Variants in GNA12 observed in about 807,000 individuals in gnomAD.
The protein encoded by GNA12 is G protein subunit alpha 12.
In GNA12, 9 loss-of-function variants were observed where a neutral mutation model predicts 26.0. The ratio of observed to expected loss-of-function variants is 0.35; its 90% CI spans 0.21 to 0.60. The LOEUF is 0.60. Among genes scored for constraint, GNA12 ranks in the 20% least tolerant of loss-of-function variants. The pLI, the probability that GNA12 is intolerant of heterozygous loss-of-function variation, is 0.78. For synonymous variants in GNA12, 264 were observed against 219.6 expected, an observed-to-expected ratio of 1.20 and a Z score of -1.79; for missense variants, 405 against 525.8, an observed-to-expected ratio of 0.77 and a Z score of 2.25.
chr7:2,770,738 A>G (rs1458797436), intron 2 of GNA12, among the ~76,000 whole-genome samples: 1 of 152,236 alleles, frequency 6.6e-6, no homozygotes, highest in Non-Finnish European at 1.5e-5. Flanking sequence ...ACTGGGCAGC[A>G]GAGCTAATGG....
intron 2 of GNA12, among the ~76,000 whole-genome samples, chr7:2,756,527 A>T (rs2115380813): frequency 6.6e-6 from 1 of 151,732 alleles, no homozygotes; most frequent in South Asian, 2.1e-4. Context: ...AGGCAGGAAG[A>T]TCTCTTGAGC....
intron 1 of GNA12, among the ~76,000 whole-genome samples, chr7:2,812,934 T>C (rs554713368): frequency 6.6e-6 from 1 of 152,212 alleles, no homozygotes; most frequent in Non-Finnish European, 1.5e-5. Context: ...CCTTTACTTT[T>C]CAAACTTTAA....
intron 1 of GNA12, among the ~76,000 whole-genome samples, chr7:2,825,236 A>G (rs911148041): frequency 6.6e-6 from 1 of 152,008 alleles, no homozygotes; most frequent in Admixed American, 6.5e-5. Context: ...GTGGGAGGGG[A>G]GAAGAAATAC....
At chr7:2,769,929 G>C (rs920223838) in intron 2 of GNA12, among the ~76,000 whole-genome samples, 2 of 152,074 alleles carry the variant, frequency 1.3e-5, no homozygotes, top group Non-Finnish European at 2.9e-5. Context: ...TACATTTTAA[G>C]TCTAAGTGTT....
At chr7:2,843,195 G>A (rs2533875) in intron 1 of GNA12, among the ~76,000 whole-genome samples, 61,792 of 151,946 alleles carry the variant, frequency 0.41, 12,652 homozygotes, top group Admixed American at 0.46. Flanking sequence ...GGGCACGGCC[G>A]GTTGGGCTCC....
chr7:2,810,791 G>A (rs1793061781), intron 1 of GNA12, among the ~76,000 whole-genome samples: 1 of 152,128 alleles, frequency 6.6e-6, no homozygotes, highest in African/African-American at 2.4e-5. Context: ...CCAGCTACGT[G>A]GGAGGTTGAG....
rs185490511 is a variant in GNA12, at chr7:2,832,271, A to C, written c.309+11582T>G. On this transcript the variant is annotated intron_variant, in intron 1 of 3. Coordinates refer to ENST00000275364, the MANE Select transcript of GNA12 (RefSeq NM_007353.3). Reference sequence around the variant, plus strand: ...CCCGTTGTGTTTCCTGTCCCCAGAGAAGTGAACTAGGAATCAGCTCCACGA... The same window carrying C: ...CCCGTTGTGTTTCCTGTCCCCAGAGCAGTGAACTAGGAATCAGCTCCACGA... 4.7e-3 allele frequency among the ~76,000 whole-genome samples: 714 copies of C among 152,216 alleles called. 10 individuals carry two copies. Among genetic ancestry groups the C allele is most frequent in the East Asian group, 3.9e-3 (20 of 5,180 alleles).
chr7:2,769,157 G>A (rs1253461541), intron 2 of GNA12, among the ~76,000 whole-genome samples: 1 of 152,094 alleles, frequency 6.6e-6, no homozygotes, highest in East Asian at 1.9e-4. Context: ...AACCGTCTTG[G>A]CCTCCCAAAG....
Position 2,794,938 on chromosome 7 carries a change from T to G in GNA12, c.515A>C (p.Glu172Ala). 1 of 1,613,448 alleles carries G rather than the reference T, an allele frequency of 6.2e-7. No individual in the cohort carries two copies. The highest frequency in any genetic ancestry group is 8.5e-7 in the Non-Finnish European group (1 of 1,179,396). ...GIREAFSRRS[E>A]FQLGESVKYF... ...GGCCTACTCACTCACCAGCTGAAAC[T>G]CGCTTCTCCGGCTGAAAGCCTCCCT... is the stretch of plus-strand genomic sequence containing the variant. The change falls in exon 2 of 4, where the codon GAG becomes GCG. Residue 172 changes from glutamate (E) to alanine (A), a missense_variant. Physicochemically the swap from Glu to Ala is moderately radical, Grantham distance 107. Coordinates refer to ENST00000275364, the MANE Select transcript of GNA12 (RefSeq NM_007353.3).
intron 2 of GNA12, among the ~76,000 whole-genome samples, chr7:2,770,168 A>G (rs1308244769): frequency 1.3e-5 from 2 of 152,216 alleles, no homozygotes; most frequent in Non-Finnish European, 2.9e-5. Context: ...GTATGACTTT[A>G]CTGAGGTTCA....
chr7:2,819,722 G>A (rs1793303762), intron 1 of GNA12, among the ~76,000 whole-genome samples: 1 of 152,206 alleles, frequency 6.6e-6, no homozygotes, highest in Non-Finnish European at 1.5e-5. Context: ...AAACGGGATG[G>A]CTGGAATTCA....
At chr7:2,779,011 G>A (rs528453725) in intron 2 of GNA12, among the ~76,000 whole-genome samples, 2 of 152,248 alleles carry the variant, frequency 1.3e-5, no homozygotes, top group East Asian at 3.9e-4. Context: ...CTTTATGGGA[G>A]GCCGAGGCAA....
Position 2,802,196 on chromosome 7 carries a change from T to C in GNA12, c.310-7053A>G, listed in dbSNP as rs1047582792. On this transcript the variant is annotated intron_variant, in intron 1 of 3. Transcript: ENST00000275364. Reference sequence around the variant, plus strand: ...ATGGTATTACTGAAGTATTAATTGTTTGAATAACCATACATTTTATTTGGT... The same window carrying C: ...ATGGTATTACTGAAGTATTAATTGTCTGAATAACCATACATTTTATTTGGT... Among the ~76,000 whole-genome samples, 10 of 152,124 alleles carry C rather than the reference T, an allele frequency of 6.6e-5. No homozygotes were observed. The East Asian group carries it at 1.9e-3, about 29-fold the overall frequency.
intron 2 of GNA12, among the ~76,000 whole-genome samples, chr7:2,791,644 C>CA (rs769067142): frequency 1.9e-4 from 28 of 150,428 alleles, no homozygotes; most frequent in Middle Eastern, 3.4e-3. Context: ...GAAAGACAAG[C>CA]AAAAAACAAG....
intron 1 of GNA12, among the ~76,000 whole-genome samples, chr7:2,829,147 G>A (rs1452751874): frequency 6.6e-6 from 1 of 151,996 alleles, no homozygotes; most frequent in Non-Finnish European, 1.5e-5. Flanking sequence ...TCACCTCCAT[G>A]AGAGCAGAGA....
At chr7:2,785,388 G>A (rs931424952) in intron 2 of GNA12, among the ~76,000 whole-genome samples, 17 of 152,152 alleles carry the variant, frequency 1.1e-4, no homozygotes, top group Non-Finnish European at 2.5e-4. Context: ...GGATTTGGTA[G>A]GGGAATTTCT....
chr7:2,787,706 C>G (rs1242458564), intron 2 of GNA12, among the ~76,000 whole-genome samples: 1 of 152,230 alleles, frequency 6.6e-6, no homozygotes, highest in East Asian at 1.9e-4. Flanking sequence ...ACTGGCCAGG[C>G]ATCGGGAAGG....
chr7:2,763,956 T>C (rs960524562), intron 2 of GNA12, among the ~76,000 whole-genome samples: 8 of 152,190 alleles, frequency 5.3e-5, no homozygotes, highest in Non-Finnish European at 8.8e-5. Flanking sequence ...TTCTTTCCTA[T>C]AGCAACACTA....
intron 1 of GNA12, chr7:2,814,839 C>G (rs1291373261): frequency 2.5e-6 from 4 of 1,585,800 alleles, no homozygotes; most frequent in Non-Finnish European, 3.4e-6. Flanking sequence ...CCCGACAGCA[C>G]CGGGTGTGCA....
Sources: gnomAD v4.1 joint callset for allele counts (sites outside exome capture counted in the v4.1 genomes callset) on GRCh38, gnomAD v4.1.1 for gene constraint, MANE v1.5 for transcripts, NCBI Gene and HGNC (gene_info 2026-07-23, HGNC 2026-07-21) for gene names.